LRP2BP: variants seen among roughly 807,000 people sequenced by gnomAD.
The protein encoded by LRP2BP is LRP2 binding protein.
A neutral mutation model predicts 45.2 loss-of-function variants in LRP2BP; 38 were observed. That is an observed-to-expected ratio of 0.84 (90% CI 0.65 to 1.10). The LOEUF is 1.10. Among genes scored for constraint, LRP2BP ranks in the 50% least tolerant of loss-of-function variants. LRP2BP has a pLI of 0.00. For missense variants in LRP2BP, 385 were observed against 418.9 expected, an observed-to-expected ratio of 0.92 and a Z score of 0.71; for synonymous variants, 153 against 153.9, an observed-to-expected ratio of 0.99 and a Z score of 0.04.
At chr4:185,396,502 C>G (rs569151492), upstream of LRP2BP, 13 of 175,314 alleles carry the variant, frequency 7.4e-5, no homozygotes, top group Non-Finnish European at 1.3e-4. Flanking sequence ...GGAGCCCCAC[C>G]CGCTCCTACT....
rs1160412365 is a variant in LRP2BP, at chr4:185,368,656, TAATGTAC to T, written c.979-1418_979-1412del. 4.6e-5 allele frequency among the ~76,000 whole-genome samples: 7 copies of T among 152,334 alleles called. No individual in the cohort carries two copies. The East Asian group carries it at 1.3e-3, about 29-fold the overall frequency. On this transcript the variant is annotated intron_variant, in intron 8 of 8. Transcript: ENST00000505916. ...GATCTCCATTTTATCAGTATCCCCA[TAATGTAC>T]AATGGCCTAAACTGAGTACAGTATT...
At chr4:185,394,703 C>T in intron 1 of LRP2BP, 76 bp downstream of exon 1, 1 of 944,862 alleles carries the variant, frequency 1.1e-6, no homozygotes, top group Non-Finnish European at 1.3e-6. Flanking sequence ...AAATACTCTT[C>T]CCTTCCTGGA....
chr4:185,374,433 A>T lies in LRP2BP; in HGVS notation c.359T>A (p.Ile120Asn). Reference sequence around the variant, plus strand: ...TGCTTTGGGACATGGAGAATCAAGAATTTTCTTCATATAGTCCACCCCTTT... The same window carrying T: ...TGCTTTGGGACATGGAGAATCAAGATTTTTCTTCATATAGTCCACCCCTTT... ...AEKGVDYMKK[I>N]LDSPCPKARH... Residue 120 changes from isoleucine (I) to asparagine (N), a missense_variant, in exon 5 of 9, where the codon ATT (isoleucine) becomes AAT (asparagine). Coordinates refer to ENST00000505916, the MANE Select transcript of LRP2BP (RefSeq NM_001377440.1). 6.2e-7 allele frequency: 1 copy of T among 1,614,002 alleles called. No homozygotes were observed. The highest frequency in any genetic ancestry group is 8.5e-7 in the Non-Finnish European group (1 of 1,180,014).
chr4:185,374,258 G>A lies in LRP2BP; in HGVS notation c.474-18C>T. 1 of 1,613,988 alleles carries A rather than the reference G, an allele frequency of 6.2e-7. No individual in the cohort carries two copies. Among genetic ancestry groups the A allele is most frequent in the Admixed American group, 1.7e-5 (1 of 60,012 alleles). On this transcript the variant is annotated intron_variant, in intron 5 of 8. Transcript: ENST00000505916. Reference sequence around the variant, plus strand: ...GCCACAGTCTACAAGAGAAAGTGAGGCATGTTATTCTCGGTTTCAGCATTT... The same window carrying A: ...GCCACAGTCTACAAGAGAAAGTGAGACATGTTATTCTCGGTTTCAGCATTT...
At chr4:185,371,336 G>A (rs1475201727) in intron 7 of LRP2BP, among the ~76,000 whole-genome samples, 3 of 151,984 alleles carry the variant, frequency 2.0e-5, no homozygotes, top group Admixed American at 6.6e-5. Flanking sequence ...TTAGGAGATT[G>A]AGACCATCCT....
intron 1 of LRP2BP, among the ~76,000 whole-genome samples, chr4:185,380,308 A>G (rs1012682589): frequency 1.1e-4 from 16 of 152,212 alleles, no homozygotes; most frequent in African/African-American, 3.9e-4. Context: ...ACAAAATATC[A>G]AAAACTTTGT....
In LRP2BP at chr4:185,367,781, G is replaced by C. The variant is rs377568193; in HGVS notation, c.979-536C>G. Among the ~76,000 whole-genome samples, 4 of 152,114 alleles carry C rather than the reference G, an allele frequency of 2.6e-5. No individual in the cohort carries two copies. In the East Asian group the frequency reaches 7.7e-4, roughly 29 times the overall value. ...ACAGTTGGTCACTAGGTATTTGCTTGGTTGCTTCCAGTAGCAGGAAGTTAC... is the reference window on the plus strand; with the variant it reads ...ACAGTTGGTCACTAGGTATTTGCTTCGTTGCTTCCAGTAGCAGGAAGTTAC... On this transcript the variant is annotated intron_variant, in intron 8 of 8. Transcript: ENST00000505916.
At chr4:185,378,833 T>A in intron 1 of LRP2BP, 1 of 985,432 alleles carries the variant, frequency 1.0e-6, no homozygotes, top group Non-Finnish European at 1.2e-6. Context: ...CAAACTCAGT[T>A]GTTGCTACAC....
At position 185,394,800 on chromosome 4, in the gene LRP2BP, A is replaced by G. The variant is rs868718977; in HGVS notation, c.-43T>C. ...TTACTCATCATCCAACGTTTTTTTT[A>G]ACACTCGCTGTAAATGGCATCCTCG... On this transcript the variant is annotated 5_prime_UTR_variant, in exon 1 of 9. The change abolishes the stop of an existing upstream ORF in the 5' untranslated region. Coordinates refer to ENST00000505916, the MANE Select transcript of LRP2BP (RefSeq NM_001377440.1). 1.6e-5 allele frequency: 16 copies of G among 985,250 alleles called. No individual in the cohort carries two copies. Among genetic ancestry groups the G allele is most frequent in the Middle Eastern group, 5.2e-4 (1 of 1,936 alleles). 61.0% of individuals were successfully genotyped at this position (985,250 alleles called of 1,614,324 possible).
chr4:185,383,648 C>G (rs541993536), intron 1 of LRP2BP, among the ~76,000 whole-genome samples: 3 of 152,336 alleles, frequency 2.0e-5, no homozygotes, highest in Admixed American at 2.0e-4. Context: ...GCACTTCCAT[C>G]CCCTAACTGG....
chr4:185,395,791 A>G lies in LRP2BP; in HGVS notation c.-1034T>C, dbSNP rs1347602758. On this transcript the variant is annotated 5_prime_UTR_variant, in exon 1 of 9. Transcript: ENST00000505916. ...ACTTGTTTTCTAACAGCATAACAATAAACGTATTTATTTCTCCGAGCTTTC... is the reference window on the plus strand; with the variant it reads ...ACTTGTTTTCTAACAGCATAACAATGAACGTATTTATTTCTCCGAGCTTTC... 4.1e-6 allele frequency: 4 copies of G among 985,270 alleles called. No individual in the cohort carries two copies. The highest frequency in any genetic ancestry group is 9.4e-5 in the South Asian group (2 of 21,298). The allele number at this position is 985,270 out of a possible 1,614,324, so 61.0% of individuals were successfully genotyped here.
At chr4:185,377,099 A>G (rs1410588741) in intron 2 of LRP2BP, 81 bp from the exon 3 acceptor site, 1 of 990,162 alleles carries the variant, frequency 1.0e-6, no homozygotes, top group Non-Finnish European at 1.6e-6. Context: ...TATAAAATCC[A>G]TCTAACACTG....
upstream of LRP2BP, chr4:185,396,581 C>T (rs976160577): frequency 4.7e-5 from 15 of 316,100 alleles, no homozygotes; most frequent in Non-Finnish European, 7.0e-5. Flanking sequence ...CGCCGCGGGC[C>T]CCGCCCCGAG....
chr4:185,376,287 C>CT (rs980467005), intron 3 of LRP2BP, among the ~76,000 whole-genome samples: 1 of 151,630 alleles, frequency 6.6e-6, no homozygotes, highest in African/African-American at 2.4e-5. Context: ...TACAAACATA[C>CT]TTTTTTTTGA....
chr4:185,371,561 A>AAAT (rs1554017489), intron 7 of LRP2BP, among the ~76,000 whole-genome samples: 102 of 150,702 alleles, frequency 6.8e-4, no homozygotes, highest in African/African-American at 2.3e-3. Flanking sequence ...AAAAAAAAAA[A>AAAT]AAGGATAATG....
rs1237285220 is a variant in LRP2BP at position 185,365,147 on chromosome 4, C to T, written c.*2033G>A. ...TCAGCAGTGGTAGTTTGCAGGGACT[C>T]GCTTGTGCCAGAGCATTAGCTTTAT... On this transcript the variant is annotated 3_prime_UTR_variant, in exon 9 of 9. Transcript: ENST00000505916. 3 of 151,962 alleles carry T rather than the reference C, an allele frequency of 2.0e-5. No individual in the cohort carries two copies. The highest frequency in any genetic ancestry group is 7.3e-5 in the African/African-American group (3 of 41,348). 9.4% of individuals were successfully genotyped at this position (151,962 alleles called of 1,614,324 possible).
Position 185,365,487 on chromosome 4 carries a change from C to G in LRP2BP, c.*1693G>C, listed in dbSNP as rs1351270574. ...TCTTCTGTCTCAGCCTCCCGAGTAGCTGGGACTACAGGCGTCCGCCATCAC... is the reference window on the plus strand; with the variant it reads ...TCTTCTGTCTCAGCCTCCCGAGTAGGTGGGACTACAGGCGTCCGCCATCAC... On this transcript the variant is annotated 3_prime_UTR_variant, in exon 9 of 9. Coordinates refer to ENST00000505916, the MANE Select transcript of LRP2BP (RefSeq NM_001377440.1). The G allele has an allele frequency of 6.6e-6, 1 of 152,046 alleles. No individual in the cohort carries two copies. The highest frequency in any genetic ancestry group is 2.4e-5 in the African/African-American group (1 of 41,366). The allele number at this position is 152,046 out of a possible 1,614,324, so 9.4% of individuals were successfully genotyped here.
Position 185,395,902 on chromosome 4 carries a change from G to A in LRP2BP, c.-1145C>T, listed in dbSNP as rs1201015855. The stretch of plus-strand genomic sequence containing the variant: ...CTTTGGTTTCTAAGCAGATCCTTCT[G>A]GAAAGACGCTTAGGGAGAGTCTAGG... On this transcript the variant is annotated 5_prime_UTR_variant, in exon 1 of 9. Coordinates refer to ENST00000505916, the MANE Select transcript of LRP2BP (RefSeq NM_001377440.1). 1.3e-5 allele frequency: 13 copies of A among 985,320 alleles called. No homozygotes were observed. The highest frequency in any genetic ancestry group is 6.1e-5 in the Admixed American group (1 of 16,276). 61.0% of individuals were successfully genotyped at this position (985,320 alleles called of 1,614,324 possible). A position where few individuals can be genotyped will look rare whatever the true frequency, so the allele number is the denominator to read the frequency against.
At position 185,365,353 on chromosome 4, in the gene LRP2BP, ATTCTTT is replaced by A. The variant is rs1419766912; in HGVS notation, c.*1821_*1826del. On this transcript the variant is annotated 3_prime_UTR_variant, in exon 9 of 9. Transcript: ENST00000505916. The stretch of plus-strand genomic sequence containing the variant: ...TCTTTTATTATGTTCCTATTTTAAG[ATTCTTT>A]TTATTTTTTTTTGAGATGGAGTCTC... 1 of 151,808 alleles carries A rather than the reference ATTCTTT, an allele frequency of 6.6e-6. No homozygotes were observed. The highest frequency in any genetic ancestry group is 2.4e-5 in the African/African-American group (1 of 41,310). The allele number at this position is 151,808 out of a possible 1,614,324, so 9.4% of individuals were successfully genotyped here. A position where few individuals can be genotyped will look rare whatever the true frequency, so the allele number is the denominator to read the frequency against.
Sources: gnomAD v4.1 joint callset for allele counts (sites outside exome capture counted in the v4.1 genomes callset) on GRCh38, gnomAD v4.1.1 for gene constraint, MANE v1.5 for transcripts, NCBI Gene and HGNC (gene_info 2026-07-23, HGNC 2026-07-21) for gene names.